Variants in JAKMIP1 observed in about 807,000 individuals in gnomAD.
JAKMIP1 encodes janus kinase and microtubule-interacting protein 1.
JAKMIP1 carries 33 observed loss-of-function variants against 113.0 expected under a neutral mutation model. That is an observed-to-expected ratio of 0.29 (90% CI 0.22 to 0.39). The LOEUF (loss-of-function observed/expected upper bound fraction) is 0.39. Ranked by LOEUF, JAKMIP1 falls within the 10% of genes least tolerant of loss-of-function variation. The pLI is 1.00. For synonymous variants in JAKMIP1, 480 were observed against 459.9 expected (o/e 1.04, Z -0.56); for missense variants, 813 against 1,080.5 (o/e 0.75, Z 3.47).
intron 1 of JAKMIP1, among the ~76,000 whole-genome samples, chr4:6,174,117 T>A (rs1320469520): frequency 6.6e-6 from 1 of 152,176 alleles, no homozygotes; most frequent in African/African-American, 2.4e-5. Flanking sequence ...AAATCAGAAA[T>A]TTTATCACTG....
Position 6,141,236 on chromosome 4 carries a change from G to C in JAKMIP1, c.-147-28239C>G, listed in dbSNP as rs1013077108. ...AGATCACTTGAGCCCAGGAATTCGAGACCAGCCTGGCCAACATGGCGAAAC... is the reference window on the plus strand; with the variant it reads ...AGATCACTTGAGCCCAGGAATTCGACACCAGCCTGGCCAACATGGCGAAAC... On this transcript the variant is annotated intron_variant, in intron 1 of 20. Coordinates refer to ENST00000409021, the MANE Select transcript of JAKMIP1 (RefSeq NM_001099433.2). This position sits in a 1 kb window ranked among gnomAD's most constrained non-coding sequence, Gnocchi z 9.4. Among the ~76,000 whole-genome samples, 6 of 152,152 alleles carry C rather than the reference G, an allele frequency of 3.9e-5. No homozygotes were observed. The highest frequency in any genetic ancestry group is 4.4e-5 in the Non-Finnish European group (3 of 68,038).
chr4:6,035,218 C>T (rs1288318095), intron 19 of JAKMIP1, among the ~76,000 whole-genome samples: 1 of 152,038 alleles, frequency 6.6e-6, no homozygotes, highest in Non-Finnish European at 1.5e-5. Context: ...TCCTTACTAT[C>T]TGGGTGACCT....
chr4:6,032,857 C>T (rs28510368), intron 19 of JAKMIP1, among the ~76,000 whole-genome samples: 3 of 152,076 alleles, frequency 2.0e-5, no homozygotes, highest in African/African-American at 7.2e-5. Context: ...AGGGTCTCAG[C>T]GGGAGGCGGG....
chr4:6,091,848 T>A (rs1722104068), intron 3 of JAKMIP1, among the ~76,000 whole-genome samples: 1 of 152,198 alleles, frequency 6.6e-6, no homozygotes, highest in Admixed American at 6.5e-5. Flanking sequence ...GGACCCAGGC[T>A]ATAGCTGGAT....
In JAKMIP1 at chr4:6,059,315, C is replaced by T. The variant is rs548657428; in HGVS notation, c.1644+1109G>A. Among the ~76,000 whole-genome samples the T allele has an allele frequency of 6.6e-6, 1 of 152,322 alleles. No individual in the cohort carries two copies. Among genetic ancestry groups the T allele is most frequent in the African/African-American group, 2.4e-5 (1 of 41,578 alleles). On this transcript the variant is annotated intron_variant, in intron 11 of 20. Coordinates refer to ENST00000409021, the MANE Select transcript of JAKMIP1 (RefSeq NM_001099433.2). This position sits in a 1 kb window ranked among gnomAD's most constrained non-coding sequence, Gnocchi z 4.8. ...TGGGAACCTCAGTCTCAACCCCGAG[C>T]CCTGCGGCAGCCATTCTGAGCTGCC...
Position 6,049,967 on chromosome 4 carries a change from G to T in JAKMIP1, c.1909-95C>A. The T allele has an allele frequency of 1.2e-6, 1 of 841,388 alleles. No homozygotes were observed. The allele number at this position is 841,388 out of a possible 1,614,324, so 52.1% of individuals were successfully genotyped here. ...CGGCCTTTCCTCTGGACAAGACACCGCGCTCTTTCTTTTCTTTTCTGGCCA... is the reference window on the plus strand; with the variant it reads ...CGGCCTTTCCTCTGGACAAGACACCTCGCTCTTTCTTTTCTTTTCTGGCCA... On this transcript the variant is annotated intron_variant, in intron 14 of 20. Coordinates refer to ENST00000409021, the MANE Select transcript of JAKMIP1 (RefSeq NM_001099433.2). This position sits in a 1 kb window ranked among gnomAD's most constrained non-coding sequence, Gnocchi z 7.0.
chr4:6,191,846 T>G (rs1412575894), intron 1 of JAKMIP1, among the ~76,000 whole-genome samples: 2 of 152,216 alleles, frequency 1.3e-5, no homozygotes, highest in African/African-American at 4.8e-5. Context: ...GTAAAATTCA[T>G]GTGAAAATTA....
chr4:6,028,799 G>A (rs796768836), intron 20 of JAKMIP1, among the ~76,000 whole-genome samples: 2 of 152,316 alleles, frequency 1.3e-5, no homozygotes, highest in African/African-American at 2.4e-5. Flanking sequence ...TGGGTTCAGC[G>A]GCTCTCCATC....
chr4:6,120,572 T>A (rs1266864030), intron 1 of JAKMIP1, among the ~76,000 whole-genome samples: 3 of 152,246 alleles, frequency 2.0e-5, no homozygotes, highest in Non-Finnish European at 4.4e-5. Context: ...ATGTGAGCCC[T>A]GCCGGGCAGC....
rs185467550 is a variant in JAKMIP1 at position 6,093,328 on chromosome 4, T to A, written c.625-7699A>T. Among the ~76,000 whole-genome samples the A allele has an allele frequency of 4.4e-4, 67 of 152,282 alleles. No homozygotes were observed. In the East Asian group the frequency reaches 0.012, roughly 27 times the overall value. ...AAGCGCTTTGCTGCCTGGAATCGTG[T>A]CTTATTTTTCTCTATAACTCAGTAA... is the stretch of plus-strand genomic sequence containing the variant. On this transcript the variant is annotated intron_variant, in intron 3 of 20. Coordinates refer to ENST00000409021, the MANE Select transcript of JAKMIP1 (RefSeq NM_001099433.2). The surrounding 1 kb of genome is among the most constrained non-coding windows in gnomAD (Gnocchi z 4.6).
intron 1 of JAKMIP1, among the ~76,000 whole-genome samples, chr4:6,160,924 C>T (rs1029378279): frequency 9.4e-5 from 14 of 148,824 alleles, no homozygotes; most frequent in African/African-American, 3.0e-4. Context: ...GATCTCCACT[C>T]ACCTCCCCGA....
Position 6,097,584 on chromosome 4 carries a change from C to G in JAKMIP1, c.624+7889G>C, listed in dbSNP as rs1712034639. On this transcript the variant is annotated intron_variant, in intron 3 of 20. Coordinates refer to ENST00000409021, the MANE Select transcript of JAKMIP1 (RefSeq NM_001099433.2). The surrounding 1 kb of genome is among the most constrained non-coding windows in gnomAD (Gnocchi z 4.3). ...ACTTGTGACTTCATGTTGGCACTCA[C>G]AGAGTTTCAGATTTTGGAGCATTTG... Among the ~76,000 whole-genome samples the G allele has an allele frequency of 6.6e-6, 1 of 152,202 alleles. No homozygotes were observed. Among genetic ancestry groups the G allele is most frequent in the Non-Finnish European group, 1.5e-5 (1 of 68,030 alleles).
At chr4:6,146,458 C>A (rs1204413141) in intron 1 of JAKMIP1, among the ~76,000 whole-genome samples, 1 of 151,990 alleles carries the variant, frequency 6.6e-6, no homozygotes, top group Non-Finnish European at 1.5e-5. Context: ...ACACTCCCAG[C>A]TAATTTTTTA....
rs1479732752 is a variant in JAKMIP1 at position 6,061,093 on chromosome 4, C to T, written c.1561-586G>A. Among the ~76,000 whole-genome samples, 5 of 152,238 alleles carry T rather than the reference C, an allele frequency of 3.3e-5. No individual in the cohort carries two copies. The highest frequency in any genetic ancestry group is 7.3e-5 in the Non-Finnish European group (5 of 68,044). The stretch of plus-strand genomic sequence containing the variant: ...CACGTCCCATCTCAGGGAGACACTG[C>T]TACCCAGCAGCAGCCACAAGAAATG... On this transcript the variant is annotated intron_variant, in intron 10 of 20. Coordinates refer to ENST00000409021, the MANE Select transcript of JAKMIP1 (RefSeq NM_001099433.2). The surrounding 1 kb of genome is among the most constrained non-coding windows in gnomAD (Gnocchi z 5.3).
chr4:6,049,733 T>C lies in JAKMIP1; in HGVS notation c.1962+86A>G, dbSNP rs77061828. 4.7e-3 allele frequency: 4,872 copies of C among 1,028,578 alleles called. 54 individuals are homozygous for C. Among genetic ancestry groups the C allele is most frequent in the African/African-American group, 0.028 (1,750 of 62,842 alleles). The allele number at this position is 1,028,578 out of a possible 1,614,324, so 63.7% of individuals were successfully genotyped here. A position where few individuals can be genotyped will look rare whatever the true frequency, so the allele number is the denominator to read the frequency against. On this transcript the variant is annotated intron_variant, in intron 15 of 20. Coordinates refer to ENST00000409021, the MANE Select transcript of JAKMIP1 (RefSeq NM_001099433.2). The surrounding 1 kb of genome is among the most constrained non-coding windows in gnomAD (Gnocchi z 7.0). ...TAGATCTCTTACATCAGAGAGAAAT[T>C]AAAAACAAAACAAAACAAAAGTCAC...
chr4:6,092,354 C>T (rs1052823162), intron 3 of JAKMIP1, among the ~76,000 whole-genome samples: 4 of 152,214 alleles, frequency 2.6e-5, no homozygotes, highest in Non-Finnish European at 5.9e-5. Flanking sequence ...AAATGAGACA[C>T]TGGGCGAAGA....
chr4:6,095,811 G>GCA (rs10629372), intron 3 of JAKMIP1, among the ~76,000 whole-genome samples: 14,126 of 152,208 alleles, frequency 0.093, 1,401 homozygotes, highest in African/African-American at 0.25. Flanking sequence ...GCACCACACT[G>GCA]CACAGGCTCT....
intron 2 of JAKMIP1, among the ~76,000 whole-genome samples, chr4:6,110,082 C>G (rs1714666761): frequency 6.6e-6 from 1 of 152,168 alleles, no homozygotes; most frequent in Admixed American, 6.5e-5. Context: ...TGCAATACCA[C>G]CTACTGTGCT....
chr4:6,099,205 T>G (rs1037743112), intron 3 of JAKMIP1, among the ~76,000 whole-genome samples: 3 of 152,258 alleles, frequency 2.0e-5, no homozygotes, highest in African/African-American at 7.2e-5. Flanking sequence ...TCCATTTACA[T>G]TTAATGTAAC....
Sources: allele counts gnomAD v4.1 joint callset (sites outside exome capture counted in the v4.1 genomes callset), GRCh38; gene constraint gnomAD v4.1.1; non-coding constraint Gnocchi (gnomAD v3.1); transcripts MANE v1.5; gene names NCBI Gene and HGNC (gene_info 2026-07-23, HGNC 2026-07-21).